LVRN: variants seen among roughly 807,000 people sequenced by gnomAD.
The protein encoded by LVRN is aminopeptidase Q.
Under a neutral mutation model 111.4 loss-of-function variants are expected in LVRN, and 99 were observed. The ratio of observed to expected loss-of-function variants is 0.89; its 90% confidence interval spans 0.76 to 1.05. LVRN has a LOEUF of 1.05. Ranked by LOEUF, LVRN falls within the 50% of genes least tolerant of loss-of-function variation. LVRN has a pLI of 0.00. For synonymous variants in LVRN, 488 were observed against 449.5 expected (o/e 1.09, Z -1.08); for missense variants, 1,414 against 1,206.8 (o/e 1.17, Z -2.54).
At chr5:116,025,687 T>A (rs1177314348) in intron 19 of LVRN, among the ~76,000 whole-genome samples, 1 of 152,232 alleles carries the variant, frequency 6.6e-6, no homozygotes, top group Non-Finnish European at 1.5e-5. Flanking sequence ...ACACTCTATA[T>A]GCGTTCAGTA....
At chr5:116,023,048 C>G (rs954681687) in intron 19 of LVRN, among the ~76,000 whole-genome samples, 3 of 152,234 alleles carry the variant, frequency 2.0e-5, no homozygotes, top group African/African-American at 7.2e-5. Flanking sequence ...GGAGAACACT[C>G]CTCATTCCTG....
chr5:116,011,190 G>GTTTT (rs34031653), intron 14 of LVRN, among the ~76,000 whole-genome samples: 70 of 144,088 alleles, frequency 4.9e-4, no homozygotes, highest in Non-Finnish European at 7.8e-4. Flanking sequence ...TGGTATGCCT[G>GTTTT]TTTTTTTTTT....
intron 1 of LVRN, among the ~76,000 whole-genome samples, chr5:115,967,728 G>A (rs759536967): frequency 4.6e-5 from 7 of 152,082 alleles, no homozygotes; most frequent in Non-Finnish European, 8.8e-5. Flanking sequence ...TCCATTCTAT[G>A]AGCATTAAAT....
At chr5:115,972,840 C>T (rs1193888067) in intron 1 of LVRN, among the ~76,000 whole-genome samples, 1 of 151,926 alleles carries the variant, frequency 6.6e-6, no homozygotes, top group Non-Finnish European at 1.5e-5. Flanking sequence ...AATGTGTATT[C>T]TGCATCTTTT....
At chr5:115,980,683 G>GTTTGT (rs1475522621) in intron 1 of LVRN, among the ~76,000 whole-genome samples, 20 of 152,114 alleles carry the variant, frequency 1.3e-4, no homozygotes, top group Non-Finnish European at 2.6e-4. Context: ...TGAGGTCATG[G>GTTTGT]CAGCTGAGAA....
At chr5:115,992,833 T>C (rs890393609) in intron 5 of LVRN, among the ~76,000 whole-genome samples, 1 of 152,216 alleles carries the variant, frequency 6.6e-6, no homozygotes, top group African/African-American at 2.4e-5. Flanking sequence ...AGTTTAGCTG[T>C]TTAATTTGAT....
intron 1 of LVRN, among the ~76,000 whole-genome samples, chr5:115,977,089 C>G (rs1753464925): frequency 6.6e-6 from 1 of 152,166 alleles, no homozygotes; most frequent in Admixed American, 6.5e-5. Context: ...CGTACCCTTC[C>G]CTGGTACTTA....
chr5:115,976,635 C>CT (rs551471316), intron 1 of LVRN, among the ~76,000 whole-genome samples: 23 of 151,870 alleles, frequency 1.5e-4, no homozygotes, highest in South Asian at 4.2e-4. Context: ...TTGTTTTTAT[C>CT]TTTTTTTTGG....
rs754621760 is a variant in LVRN, at chr5:116,015,753, C to T, written c.2744C>T (p.Ala915Val). 3.7e-6 allele frequency: 6 copies of T among 1,613,158 alleles called. 1 individual carries two copies. The highest frequency in any genetic ancestry group is 2.2e-5 in the South Asian group (2 of 90,906). Residue 915 changes from alanine to valine, a missense_variant, in exon 18 of 20, where the codon GCT (alanine) becomes GTT (valine). By Grantham distance (64) the Ala-to-Val change is moderately conservative. Transcript: ENST00000357872. ...GACTTCTTAGTCAACAACTGGCAAG[C>T]TGTGAGTAAAAGGTAAGAAGGAAAG... Reference protein sequence around the residue: ...AKDFLVNNWQAVSKRYGTQSL... With the variant: ...AKDFLVNNWQVVSKRYGTQSL...
chr5:116,008,595 C>CCTGA (rs1554075873), intron 13 of LVRN, among the ~76,000 whole-genome samples: 4 of 150,368 alleles, frequency 2.7e-5, no homozygotes, highest in Admixed American at 2.6e-4. Flanking sequence ...CCAGTGAATA[C>CCTGA]ATGAATGATT....
In LVRN at chr5:115,993,745, T is replaced by C. The variant is rs200401368; in HGVS notation, c.1265T>C (p.Phe422Ser). ...VVSHEIGHQW[F>S]GNLVTMNWWN... ...TTTTCTTCTCATTTCCAAAAGTGGTTTGGAAACTTGGTTACCATGAATTGG... is the reference window on the plus strand; with the variant it reads ...TTTTCTTCTCATTTCCAAAAGTGGTCTGGAAACTTGGTTACCATGAATTGG... Residue 422 changes from phenylalanine (F) to serine (S), a missense_variant, in exon 6 of 20, where the codon TTT (phenylalanine) becomes TCT (serine). By Grantham distance (155) the Phe-to-Ser change is radical. Transcript: ENST00000357872. The C allele has an allele frequency of 1.3e-4, 203 of 1,599,048 alleles. No individual in the cohort carries two copies. Among genetic ancestry groups the C allele is most frequent in the Non-Finnish European group, 1.6e-4 (183 of 1,174,724 alleles).
At chr5:116,005,340 C>T (rs927319987) in intron 12 of LVRN, among the ~76,000 whole-genome samples, 1 of 152,196 alleles carries the variant, frequency 6.6e-6, no homozygotes, top group Non-Finnish European at 1.5e-5. Flanking sequence ...AATCCTGTGG[C>T]CTGGCAATGC....
intron 1 of LVRN, among the ~76,000 whole-genome samples, chr5:115,973,775 T>A (rs1561554138): frequency 6.6e-6 from 1 of 152,196 alleles, no homozygotes; most frequent in Non-Finnish European, 1.5e-5. Flanking sequence ...TATTGGAAAT[T>A]TGTGTCTTCT....
At chr5:115,996,111 T>C (rs889373853) in intron 6 of LVRN, among the ~76,000 whole-genome samples, 2 of 152,250 alleles carry the variant, frequency 1.3e-5, no homozygotes, top group Non-Finnish European at 2.9e-5. Context: ...CTTTAACTTC[T>C]TTTGAAAGCA....
chr5:115,999,026 G>A (rs968854532), intron 6 of LVRN, among the ~76,000 whole-genome samples: 1 of 152,138 alleles, frequency 6.6e-6, no homozygotes, highest in African/African-American at 2.4e-5. Flanking sequence ...GAGGGTTCCC[G>A]TGGATCATGA....
intron 2 of LVRN, among the ~76,000 whole-genome samples, chr5:115,984,107 T>C (rs1361835916): frequency 7.2e-5 from 11 of 152,138 alleles, no homozygotes; most frequent in South Asian, 6.2e-4. Flanking sequence ...TGCCTGGCCC[T>C]TGTAGGCATT....
chr5:115,983,485 AC>A (rs1747767606), intron 2 of LVRN, 56 bp downstream of exon 2: 1 of 1,514,704 alleles, frequency 6.6e-7, no homozygotes, highest in Non-Finnish European at 8.8e-7. Flanking sequence ...CTTTGTAATC[AC>A]ATTTATACCA....
In LVRN at chr5:115,992,414, G is replaced by A. The variant is rs78830534; in HGVS notation, c.1260+137G>A. On this transcript the variant is annotated intron_variant, in intron 5 of 19. Transcript: ENST00000357872. Reference sequence around the variant, plus strand: ...AAAACATCTCAAAGTATGACAGTGAGTAAAAATGGGGAAGACTCAGATTCA... The same window carrying A: ...AAAACATCTCAAAGTATGACAGTGAATAAAAATGGGGAAGACTCAGATTCA... 530 of 989,344 alleles carry A rather than the reference G, an allele frequency of 5.4e-4. 2 individuals are homozygous for A. The African/African-American group carries it at 7.6e-3, about 14-fold the overall frequency. The allele number at this position is 989,344 out of a possible 1,614,324, so 61.3% of individuals were successfully genotyped here. A position where few individuals can be genotyped will look rare whatever the true frequency, so the allele number is the denominator to read the frequency against.
chr5:115,989,056 C>A (rs72802768), intron 4 of LVRN, among the ~76,000 whole-genome samples: 15,491 of 152,082 alleles, frequency 0.1, 1,021 homozygotes, highest in South Asian at 0.22. Flanking sequence ...CCCTAGTTTT[C>A]ATCATCATCT....
Sources: gnomAD v4.1 joint callset for allele counts (sites outside exome capture counted in the v4.1 genomes callset) on GRCh38, gnomAD v4.1.1 for gene constraint, MANE v1.5 for transcripts, NCBI Gene and HGNC (gene_info 2026-07-23, HGNC 2026-07-21) for gene names.